PCDHGA6: variants seen among roughly 807,000 people sequenced by gnomAD.
The protein encoded by PCDHGA6 is protocadherin gamma subfamily A, 6.
A neutral mutation model predicts 60.6 loss-of-function variants in PCDHGA6; 41 were observed. The ratio of observed to expected loss-of-function variants is 0.68; its 90% CI spans 0.53 to 0.88. The LOEUF (loss-of-function observed/expected upper bound fraction) is 0.88. PCDHGA6 is among the 40% of genes least tolerant of loss of function. The pLI, the probability that PCDHGA6 is intolerant of heterozygous loss-of-function variation, is 0.00. For missense variants in PCDHGA6, 1,312 were observed against 1,203.0 expected (o/e 1.09, Z -1.34); for synonymous variants, 594 against 524.4 (o/e 1.13, Z -1.81).
At chr5:141,413,012 A>T in intron 1 of PCDHGA6, 1 of 657,714 alleles carries the variant, frequency 1.5e-6, no homozygotes, top group Non-Finnish European at 2.5e-6. Context: ...GGCTTCAACT[A>T]CACAAGCCCC....
Position 141,495,452 on chromosome 5 carries a change from CTCTG to C in PCDHGA6, c.2483+593_2483+596del, listed in dbSNP as rs550877100. ...GTCCTCTGCCCCTACTTGTCCTGCTCTCTGTCTGTGGGGTCTCCGTGTCTCTGCC... is the reference window on the plus strand; with the variant it reads ...GTCCTCTGCCCCTACTTGTCCTGCTCTCTGTGGGGTCTCCGTGTCTCTGCC... On this transcript the variant is annotated intron_variant, in intron 2 of 3. Coordinates refer to ENST00000517434, the MANE Select transcript of PCDHGA6 (RefSeq NM_018919.3). 5.6e-4 allele frequency among the ~76,000 whole-genome samples: 85 copies of C among 152,356 alleles called. 1 individual carries two copies. Among genetic ancestry groups the C allele is most frequent in the Admixed American group, 3.5e-3 (53 of 15,310 alleles).
intron 1 of PCDHGA6, chr5:141,403,596 C>T: frequency 6.2e-7 from 1 of 1,613,768 alleles, no homozygotes; most frequent in Non-Finnish European, 8.5e-7. Context: ...CTCACGGCCT[C>T]GGATGGCGGC....
chr5:141,507,251 A>G (rs958917337), intron 3 of PCDHGA6: 3 of 152,400 alleles, frequency 2.0e-5, no homozygotes, highest in Non-Finnish European at 4.4e-5. Context: ...TGAATGTCAG[A>G]TAAACAGCAA....
intron 2 of PCDHGA6, among the ~76,000 whole-genome samples, chr5:141,500,469 A>G (rs917974103): frequency 1.3e-5 from 2 of 152,052 alleles, no homozygotes; most frequent in East Asian, 1.9e-4. Context: ...TCGGCCTCCC[A>G]AAGTGCTGGG....
chr5:141,409,143 G>A (rs778597273), intron 1 of PCDHGA6: 1 of 1,613,868 alleles, frequency 6.2e-7, no homozygotes, highest in African/African-American at 1.3e-5. Flanking sequence ...GATGTAGAAA[G>A]GTACACCATG....
intron 2 of PCDHGA6, among the ~76,000 whole-genome samples, chr5:141,504,947 A>G (rs1595930930): frequency 6.6e-6 from 1 of 152,200 alleles, no homozygotes; most frequent in Non-Finnish European, 1.5e-5. Context: ...GGAATGCACT[A>G]TGTTCAATGC....
At chr5:141,402,935 T>G in intron 1 of PCDHGA6, 1 of 1,587,712 alleles carries the variant, frequency 6.3e-7, no homozygotes, top group Non-Finnish European at 8.6e-7. Context: ...TTTGAGAAAA[T>G]TCCAAAGCGA....
At position 141,374,299 on chromosome 5, in the gene PCDHGA6, G is replaced by A. The variant is rs1588736812; in HGVS notation, c.216G>A (p.Met72Ile). ...TCCGCATCGTCTCCAGAGGTAGGAT[G>A]CAGCTTTTCTCTCTGAATCCGCGAA... ...HGVRIVSRGR[M>I]QLFSLNPRNG... The change falls in exon 1 of 4, where the codon ATG becomes ATA. Residue 72 changes from methionine (M) to isoleucine (I), a missense_variant. Transcript: ENST00000517434. 6.2e-7 allele frequency: 1 copy of A among 1,613,982 alleles called. No individual in the cohort carries two copies. Among genetic ancestry groups the A allele is most frequent in the Non-Finnish European group, 8.5e-7 (1 of 1,179,848 alleles).
chr5:141,423,693 G>A (rs114008539), intron 1 of PCDHGA6: 1 of 1,396,244 alleles, frequency 7.2e-7, no homozygotes, highest in Non-Finnish European at 9.4e-7. Flanking sequence ...CTAATTGTTG[G>A]TGTCTTGGCA....
At chr5:141,376,728 G>A (rs1773296004) in intron 1 of PCDHGA6, 1 of 538,000 alleles carries the variant, frequency 1.9e-6, no homozygotes, top group Non-Finnish European at 3.1e-6. Context: ...CGCCCAGGCC[G>A]GACTGCGGAC....
chr5:141,419,561 G>T, intron 1 of PCDHGA6: 1 of 1,611,846 alleles, frequency 6.2e-7, no homozygotes. Flanking sequence ...CCCTGCGCTG[G>T]GTCCCGACGG....
At position 141,421,819 on chromosome 5, in the gene PCDHGA6, G is replaced by C. The variant is rs752366104; in HGVS notation, c.2424+45312G>C. The C allele has an allele frequency of 3.8e-5, 61 of 1,613,688 alleles. No homozygotes were observed. Among genetic ancestry groups the C allele is most frequent in the Non-Finnish European group, 4.9e-5 (58 of 1,179,892 alleles). ...GGCCAAGAATCCAGAGCTAGTACTG[G>C]AGGGAAGCCTGGACCGAGAGAAAGA... On this transcript the variant is annotated intron_variant, in intron 1 of 3. Coordinates refer to ENST00000517434, the MANE Select transcript of PCDHGA6 (RefSeq NM_018919.3).
chr5:141,422,959 C>T, intron 1 of PCDHGA6: 5 of 1,614,234 alleles, frequency 3.1e-6, no homozygotes, highest in African/African-American at 1.3e-5. Flanking sequence ...TGGCGTGGAG[C>T]TGGCGCCCCG....
chr5:141,467,008 A>T (rs1319152720), intron 1 of PCDHGA6, among the ~76,000 whole-genome samples: 1 of 150,270 alleles, frequency 6.7e-6, no homozygotes, highest in African/African-American at 2.4e-5. Context: ...TTGCAATGCA[A>T]TTTTTTTCCC....
intron 1 of PCDHGA6, chr5:141,478,841 A>G (rs1335486924): frequency 1.4e-5 from 19 of 1,405,590 alleles, no homozygotes; most frequent in Non-Finnish European, 1.8e-5. Flanking sequence ...GGGATGGTTA[A>G]GCTAAAACAC....
Position 141,414,833 on chromosome 5 carries a change from G to A in PCDHGA6, c.2424+38326G>A, listed in dbSNP as rs768992312. On this transcript the variant is annotated intron_variant, in intron 1 of 3. Coordinates refer to ENST00000517434, the MANE Select transcript of PCDHGA6 (RefSeq NM_018919.3). ...CCACTCAGCAGCAACGTGTCGTTGAGCCTGTTTGTGCTGGACCAGAACGAC... is the reference window on the plus strand; with the variant it reads ...CCACTCAGCAGCAACGTGTCGTTGAACCTGTTTGTGCTGGACCAGAACGAC... 1.9e-6 allele frequency: 3 copies of A among 1,614,098 alleles called. No homozygotes were observed. In the East Asian group the frequency reaches 6.7e-5, roughly 36 times the overall value.
intron 1 of PCDHGA6, chr5:141,427,468 C>T: frequency 2.0e-6 from 1 of 509,312 alleles, no homozygotes; most frequent in Middle Eastern, 3.0e-4. Flanking sequence ...ATCGAATCTT[C>T]CGCCAATAAT....
At chr5:141,408,226 GCGCCGGGCCGGCC>G (rs2095062452) in intron 1 of PCDHGA6, 1 of 1,562,288 alleles carries the variant, frequency 6.4e-7, no homozygotes, top group South Asian at 1.2e-5. Flanking sequence ...GCGCGCAGAG[GCGCCGGGCCGGCC>G]CGCGGCAGGT....
intron 1 of PCDHGA6, chr5:141,427,973 C>G (rs754410723): frequency 3.1e-6 from 5 of 1,593,936 alleles, no homozygotes; most frequent in Non-Finnish European, 3.4e-6. Flanking sequence ...TGCTGTACCC[C>G]GCGCTGGGGC....
Sources: allele counts gnomAD v4.1 joint callset (sites outside exome capture counted in the v4.1 genomes callset), GRCh38; gene constraint gnomAD v4.1.1; transcripts MANE v1.5; gene names NCBI Gene and HGNC (gene_info 2026-07-23, HGNC 2026-07-21).